Variants in SERPINF2 observed in about 807,000 individuals in gnomAD.
The protein encoded by SERPINF2 is serpin family F member 2.
SERPINF2 carries 15 observed loss-of-function variants against 45.0 expected under a neutral mutation model. The observed-to-expected ratio is 0.33, with a 90% CI of 0.22 to 0.51. The LOEUF (loss-of-function observed/expected upper bound fraction) is 0.51, where lower values mean the gene tolerates loss of function less well. SERPINF2 is among the 20% of genes least tolerant of loss of function. The probability of loss-of-function intolerance (pLI) is 0.97; values close to 1 mark genes in which losing one functional copy is unlikely to be tolerated. For missense variants in SERPINF2, 518 were observed against 637.4 expected, an observed-to-expected ratio of 0.81 and a Z score of 2.02; for synonymous variants, 283 against 277.9, an observed-to-expected ratio of 1.02 and a Z score of -0.18.
rs1420661828 is a variant in SERPINF2 at position 1,745,475 on chromosome 17, C to T, written c.165+80C>T. 2.9e-5 allele frequency: 42 copies of T among 1,436,408 alleles called. No individual in the cohort carries two copies. The highest frequency in any genetic ancestry group is 1.7e-4 in the African/African-American group (12 of 70,894). 89.0% of individuals were successfully genotyped at this position (1,436,408 alleles called of 1,614,324 possible). On this transcript the variant is annotated intron_variant, in intron 4 of 9. Coordinates refer to ENST00000453066, the MANE Select transcript of SERPINF2 (RefSeq NM_000934.4). The surrounding 1 kb of genome is among the most constrained non-coding windows in gnomAD (Gnocchi z 6.2). ...ATCGGCAGGGGTCGGGGGGTGGGGGCGCGTGCTGAGGCTGAGGCTCTGGAG... is the reference window on the plus strand; with the variant it reads ...ATCGGCAGGGGTCGGGGGGTGGGGGTGCGTGCTGAGGCTGAGGCTCTGGAG...
intron 7 of SERPINF2, 127 bp from the exon 8 acceptor site, chr17:1,748,471 G>T: frequency 8.2e-7 from 1 of 1,224,272 alleles, no homozygotes; most frequent in Non-Finnish European, 1.2e-6. Flanking sequence ...TCCTTGAATG[G>T]ATTCTGGGTG....
chr17:1,754,689 G>T lies in SERPINF2; in HGVS notation c.*155G>T, dbSNP rs865905064. 2.0e-5 allele frequency: 9 copies of T among 443,692 alleles called. 1 individual carries two copies. Among genetic ancestry groups the T allele is most frequent in the South Asian group, 7.2e-5 (3 of 41,578 alleles). The allele number at this position is 443,692 out of a possible 1,614,324, so 27.5% of individuals were successfully genotyped here. On this transcript the variant is annotated 3_prime_UTR_variant, in exon 10 of 10. Coordinates refer to ENST00000453066, the MANE Select transcript of SERPINF2 (RefSeq NM_000934.4). ...CACCTCTTGGGGAGTTTAGGGTGGG[G>T]GGGGGGCGCGGCTGGGAGGAGGGCA... is the stretch of plus-strand genomic sequence containing the variant.
At chr17:1,748,841 G>C (rs545667334) in intron 8 of SERPINF2, 101 bp downstream of exon 8, 65 of 777,476 alleles carry the variant, frequency 8.4e-5, no homozygotes, top group Admixed American at 4.6e-4. Flanking sequence ...AGGCTGTCTC[G>C]CCTTCCTTGC....
At position 1,745,778 on chromosome 17, in the gene SERPINF2, C is replaced by A; in HGVS notation, c.236C>A (p.Thr79Asn). The A allele has an allele frequency of 6.2e-7, 1 of 1,614,030 alleles. No individual in the cohort carries two copies. Reference protein sequence around the residue: ...VCSRDPTPEQTHRLARAMMAF... With the variant: ...VCSRDPTPEQNHRLARAMMAF... ...AGCAGAGACCCCACCCCAGAGCAGA[C>A]CCACAGGCTGGCCCGGGCCATGATG... is the stretch of plus-strand genomic sequence containing the variant. Residue 79 changes from threonine (T) to asparagine (N), a missense_variant, in exon 5 of 10, where the codon ACC (threonine) becomes AAC (asparagine). Physicochemically the swap from Thr to Asn is moderately conservative, Grantham distance 65. Transcript: ENST00000453066. This position sits in a 1 kb window ranked among gnomAD's most constrained non-coding sequence, Gnocchi z 6.2.
rs943505297 is a variant in SERPINF2, at chr17:1,753,063, C to T, written c.1063+273C>T. ...AGAGAGCCTGGGATGGCATGTGAGC[C>T]TCGCTGGCTTCCCTGGAAGGGGAAG... On this transcript the variant is annotated intron_variant, in intron 9 of 9. Coordinates refer to ENST00000453066, the MANE Select transcript of SERPINF2 (RefSeq NM_000934.4). 3.3e-5 allele frequency among the ~76,000 whole-genome samples: 5 copies of T among 152,314 alleles called. No individual in the cohort carries two copies. In the South Asian group the frequency reaches 1.0e-3, roughly 32 times the overall value.
At chr17:1,752,381 C>T (rs544116652) in intron 8 of SERPINF2, among the ~76,000 whole-genome samples, 29 of 152,244 alleles carry the variant, frequency 1.9e-4, no homozygotes, top group Admixed American at 1.3e-4. Context: ...TTAAAAGCAT[C>T]TCATTCGGTT....
At chr17:1,752,471 C>T (rs999616684) in intron 8 of SERPINF2, 115 bp from the exon 9 acceptor site, 41 of 900,586 alleles carry the variant, frequency 4.6e-5, no homozygotes, top group South Asian at 3.4e-4. Flanking sequence ...GTCAGTCACA[C>T]GCCTGGCAGG....
intron 5 of SERPINF2, 87 bp from the exon 6 acceptor site, chr17:1,746,932 G>A (rs1190485408): frequency 6.6e-6 from 10 of 1,520,164 alleles, no homozygotes; most frequent in South Asian, 2.4e-5. Flanking sequence ...GGACGTCCTC[G>A]TCACGGGTAT....
In SERPINF2 at chr17:1,754,463, C is replaced by CT. The variant is rs1234231823; in HGVS notation, c.1409dup (p.Gly471ArgfsTer3). ...GAAAGGCTTCCCCCGCGGAGACAAGCTTTTCGGCCCTGACTTAAAACTTGT... is the reference window on the plus strand; with the variant it reads ...GAAAGGCTTCCCCCGCGGAGACAAGCTTTTTCGGCCCTGACTTAAAACTTGT... On this transcript the variant is annotated frameshift_variant, in exon 10 of 10. Transcript: ENST00000453066. LOFTEE classifies it high-confidence loss of function. 1 of 1,607,278 alleles carries CT rather than the reference C, an allele frequency of 6.2e-7. No homozygotes were observed. The highest frequency in any genetic ancestry group is 1.7e-5 in the Admixed American group (1 of 59,248).
In SERPINF2 at chr17:1,747,385, G is replaced by A. The variant is rs1384070365; in HGVS notation, c.588G>A (p.Lys196=). 6.2e-7 allele frequency: 1 copy of A among 1,614,208 alleles called. No homozygotes were observed. Among genetic ancestry groups the A allele is most frequent in the African/African-American group, 1.3e-5 (1 of 75,070 alleles). Residue 196 remains lysine (K), a synonymous_variant, in exon 7 of 10, where the codon AAG becomes AAA. Coordinates refer to ENST00000453066, the MANE Select transcript of SERPINF2 (RefSeq NM_000934.4). ...FGAKPVSLTG[K]QEDDLANINQ... ...CAAAGCCCGTGAGCCTGACGGGAAA[G>A]CAGGAAGATGACCTGGCAAACATCA...
chr17:1,754,175 C>G lies in SERPINF2; in HGVS notation c.1117C>G (p.Leu373Val). ...CCTGCGTGGGATCTCCGAGCAGAGCCTGGTGGTGTCCGGCGTGCAGCATCA... is the reference window on the plus strand; with the variant it reads ...CCTGCGTGGGATCTCCGAGCAGAGCGTGGTGGTGTCCGGCGTGCAGCATCA... ...PDLRGISEQSLVVSGVQHQST... is the reference protein window; with the variant it reads ...PDLRGISEQSVVVSGVQHQST... The change falls in exon 10 of 10, where the codon CTG (leucine) becomes GTG (valine). Residue 373 changes from leucine (L) to valine (V), a missense_variant. By Grantham distance (32) the Leu-to-Val change is conservative. Coordinates refer to ENST00000453066, the MANE Select transcript of SERPINF2 (RefSeq NM_000934.4). 1.2e-6 allele frequency: 2 copies of G among 1,611,904 alleles called. No homozygotes were observed. The highest frequency in any genetic ancestry group is 1.7e-6 in the Non-Finnish European group (2 of 1,180,028).
chr17:1,744,675 C>T, intron 1 of SERPINF2: 3 of 985,436 alleles, frequency 3.0e-6, no homozygotes, highest in Non-Finnish European at 3.6e-6. Flanking sequence ...ATCTGATTCA[C>T]AGCGCAGGGC....
In SERPINF2 at chr17:1,754,695, G is replaced by GC; in HGVS notation, c.*162dup. ...TTGGGGAGTTTAGGGTGGGGGGGGGGCGCGGCTGGGAGGAGGGCAGGCATC... is the reference window on the plus strand; with the variant it reads ...TTGGGGAGTTTAGGGTGGGGGGGGGGCCGCGGCTGGGAGGAGGGCAGGCATC... On this transcript the variant is annotated 3_prime_UTR_variant, in exon 10 of 10. Transcript: ENST00000453066. The GC allele has an allele frequency of 9.5e-6, 3 of 316,610 alleles. No homozygotes were observed. Among genetic ancestry groups the GC allele is most frequent in the Non-Finnish European group, 1.1e-5 (2 of 175,552 alleles). 19.6% of individuals were successfully genotyped at this position (316,610 alleles called of 1,614,324 possible).
At chr17:1,747,568 G>A in intron 7 of SERPINF2, 56 bp downstream of exon 7, 2 of 1,571,574 alleles carry the variant, frequency 1.3e-6, no homozygotes, top group South Asian at 1.1e-5. Flanking sequence ...GGGACGTGCA[G>A]GCCTTTTTGT....
intron 5 of SERPINF2, among the ~76,000 whole-genome samples, 168 bp downstream of exon 5, chr17:1,746,077 T>C (rs1205191079): frequency 6.6e-6 from 1 of 152,076 alleles, no homozygotes; most frequent in African/African-American, 2.4e-5. Flanking sequence ...CCCAACACTT[T>C]GGGAGGCTGA....
chr17:1,754,296 G>T lies in SERPINF2; in HGVS notation c.1238G>T (p.Arg413Leu). ...TCCCTGTCCTCCTTCAGCGTGAACC[G>T]CCCCTTCCTCTTCTTCATCTTCGAG... ...RMSLSSFSVN[R>L]PFLFFIFEDT... Residue 413 changes from arginine to leucine, a missense_variant, in exon 10 of 10, where the codon CGC becomes CTC. Physicochemically the swap from Arg to Leu is moderately radical, Grantham distance 102. Transcript: ENST00000453066. 6.2e-7 allele frequency: 1 copy of T among 1,614,142 alleles called. No homozygotes were observed. The highest frequency in any genetic ancestry group is 1.7e-5 in the Admixed American group (1 of 59,996).
chr17:1,752,077 T>C (rs1906447430), intron 8 of SERPINF2, among the ~76,000 whole-genome samples: 1 of 108,598 alleles, frequency 9.2e-6, no homozygotes, highest in Non-Finnish European at 2.3e-5. Flanking sequence ...TTGAGACGGA[T>C]TTTTACTCCT....
At chr17:1,748,526 T>C (rs980049154) in intron 7 of SERPINF2, 72 bp from the exon 8 acceptor site, 2 of 1,588,880 alleles carry the variant, frequency 1.3e-6, no homozygotes, top group Non-Finnish European at 8.6e-7. Flanking sequence ...CTGGTCCCCA[T>C]CGACGTGACC....
At chr17:1,746,652 C>G (rs1452804075) in intron 5 of SERPINF2, among the ~76,000 whole-genome samples, 2 of 152,070 alleles carry the variant, frequency 1.3e-5, no homozygotes, top group African/African-American at 4.8e-5. Flanking sequence ...GTCTCGAACT[C>G]TCGACCTAAG....
Sources: allele counts gnomAD v4.1 joint callset (sites outside exome capture counted in the v4.1 genomes callset), GRCh38; gene constraint gnomAD v4.1.1; non-coding constraint Gnocchi (gnomAD v3.1); transcripts MANE v1.5; gene names NCBI Gene and HGNC (gene_info 2026-07-23, HGNC 2026-07-21).